Variants in PTPRG observed in about 807,000 individuals in gnomAD.
PTPRG encodes protein tyrosine phosphatase receptor type G.
Under a neutral mutation model 165.3 loss-of-function variants are expected in PTPRG, and 102 were observed. The observed-to-expected ratio is 0.62, with a 90% CI of 0.53 to 0.73. PTPRG has a LOEUF of 0.73. Ranked by LOEUF, PTPRG falls within the 30% of genes least tolerant of loss-of-function variation. The pLI is 0.00. For missense variants in PTPRG, 1,866 were observed against 1,861.4 expected (o/e 1.00, Z -0.05); for synonymous variants, 675 against 669.5 (o/e 1.01, Z -0.13).
At chr3:61,600,190 ATATGTGTGTG>A (rs1326572843) in intron 1 of PTPRG, among the ~76,000 whole-genome samples, 1 of 118,582 alleles carries the variant, frequency 8.4e-6, no homozygotes, top group South Asian at 2.7e-4. Context: ...ATATATATAT[ATATGTGTGTG>A]TGTGTGTGTG....
chr3:62,072,129 G>A (rs1701227711), intron 4 of PTPRG, among the ~76,000 whole-genome samples: 1 of 152,174 alleles, frequency 6.6e-6, no homozygotes, highest in African/African-American at 2.4e-5. Context: ...GAAGCTAGGT[G>A]GACATTTTGT....
chr3:61,722,115 T>C (rs538364048), intron 1 of PTPRG, among the ~76,000 whole-genome samples: 12 of 152,208 alleles, frequency 7.9e-5, no homozygotes, highest in Non-Finnish European at 4.4e-5. Context: ...CTTATGGTTT[T>C]GGAGGCTGGG....
chr3:61,920,249 A>G (rs2039044463), intron 2 of PTPRG, among the ~76,000 whole-genome samples: 1 of 152,220 alleles, frequency 6.6e-6, no homozygotes, highest in African/African-American at 2.4e-5. Flanking sequence ...GAGTCTTTCC[A>G]GCTCTGTGCC....
At chr3:62,172,824 T>A (rs1705269581) in intron 8 of PTPRG, among the ~76,000 whole-genome samples, 1 of 152,244 alleles carries the variant, frequency 6.6e-6, no homozygotes, top group South Asian at 2.1e-4. Flanking sequence ...ATTCTCTATC[T>A]GATAATTATT....
intron 4 of PTPRG, among the ~76,000 whole-genome samples, chr3:62,069,066 C>A (rs994633253): frequency 3.9e-5 from 6 of 152,194 alleles, no homozygotes; most frequent in African/African-American, 1.4e-4. Context: ...GGCATGACTT[C>A]TTGGGATGTT....
chr3:61,786,512 A>T (rs776503913), intron 2 of PTPRG, among the ~76,000 whole-genome samples: 2 of 152,200 alleles, frequency 1.3e-5, no homozygotes, highest in Non-Finnish European at 2.9e-5. Flanking sequence ...CAGGCTGGTT[A>T]TCGTAACTAT....
chr3:61,829,413 A>T (rs1189002141), intron 2 of PTPRG, among the ~76,000 whole-genome samples: 1 of 152,238 alleles, frequency 6.6e-6, no homozygotes, highest in Non-Finnish European at 1.5e-5. Context: ...GCCTCTGTCG[A>T]GGCGGGTGCA....
intron 1 of PTPRG, among the ~76,000 whole-genome samples, chr3:61,732,901 G>C (rs370697886): frequency 6.6e-6 from 1 of 152,152 alleles, no homozygotes; most frequent in Non-Finnish European, 1.5e-5. Flanking sequence ...AATTGTTTTC[G>C]CAGCAGTTAG....
intron 1 of PTPRG, among the ~76,000 whole-genome samples, chr3:61,721,720 A>G (rs1206463894): frequency 6.6e-6 from 1 of 152,088 alleles, no homozygotes. Flanking sequence ...TAGGGCTGCC[A>G]TGTAAGCAAA....
intron 1 of PTPRG, among the ~76,000 whole-genome samples, chr3:61,594,869 C>T (rs544299669): frequency 1.3e-5 from 2 of 152,202 alleles, no homozygotes; most frequent in East Asian, 3.9e-4. Context: ...GGAAGAAACA[C>T]GATGTTACAA....
intron 3 of PTPRG, among the ~76,000 whole-genome samples, chr3:61,999,311 C>T (rs1427427440): frequency 7.9e-5 from 12 of 152,030 alleles, no homozygotes; most frequent in Admixed American, 6.6e-4. Context: ...CCTCCCAAAG[C>T]GCTGGGGTTA....
intron 28 of PTPRG, among the ~76,000 whole-genome samples, chr3:62,291,784 GCCAA>G (rs1480307221): frequency 6.6e-6 from 1 of 152,074 alleles, no homozygotes; most frequent in African/African-American, 2.4e-5. Context: ...AAGTGGAGTT[GCCAA>G]CCTGGCCTGA....
Position 62,273,772 on chromosome 3 carries a change from G to C in PTPRG, c.3393G>C (p.Gln1131His), listed in dbSNP as rs781385998. 2 of 1,613,622 alleles carry C rather than the reference G, an allele frequency of 1.2e-6. No homozygotes were observed. Among genetic ancestry groups the C allele is most frequent in the African/African-American group, 1.3e-5 (1 of 74,900 alleles). ...AGGAGACTGAAGTATCTTCAAATCA[G>C]CTGCACAGCTATGTTAACAGCATCC... ...LGKETEVSSN[Q>H]LHSYVNSILI... Residue 1131 changes from glutamine to histidine, a missense_variant, in exon 23 of 30, where the codon CAG (glutamine) becomes CAC (histidine). Gln to His is a conservative substitution (Grantham distance 24). This residue lies in a region of PTPRG where 1,452 missense variants were observed against 1,463.0 expected (regional missense o/e 0.99). Transcript: ENST00000474889. The surrounding 1 kb of genome is among the most constrained non-coding windows in gnomAD (Gnocchi z 4.1).
chr3:61,786,192 C>T (rs2034695368), intron 2 of PTPRG, among the ~76,000 whole-genome samples: 1 of 152,120 alleles, frequency 6.6e-6, no homozygotes, highest in African/African-American at 2.4e-5. Context: ...TCAGATGTGC[C>T]TGTTATGGTG....
intron 13 of PTPRG, among the ~76,000 whole-genome samples, chr3:62,223,635 G>A (rs962253358): frequency 5.9e-5 from 9 of 152,156 alleles, no homozygotes; most frequent in African/African-American, 1.7e-4. Context: ...ACAAGTTCAC[G>A]TGAGGATTCG....
In PTPRG at chr3:61,812,144, C is replaced by T. The variant is rs368437636; in HGVS notation, c.190+63162C>T. ...AAGAGATGCTTGTACCCCAATATAA[C>T]GCATTCTTACTGCAAATAACAAGTT... On this transcript the variant is annotated intron_variant, in intron 2 of 29. Coordinates refer to ENST00000474889, the MANE Select transcript of PTPRG (RefSeq NM_002841.4). 1.6e-4 allele frequency among the ~76,000 whole-genome samples: 25 copies of T among 152,194 alleles called. No individual in the cohort carries two copies. The East Asian group carries it at 3.1e-3, about 19-fold the overall frequency.
rs577847371 is a variant in PTPRG, at chr3:61,715,016, C to T, written c.86-33862C>T. ...GTGTTTTGGAAGTTTACAGAAGCTC[C>T]CAGAATAGAGAGGCAAAGTGAAGAA... On this transcript the variant is annotated intron_variant, in intron 1 of 29. Transcript: ENST00000474889. 2.0e-5 allele frequency among the ~76,000 whole-genome samples: 3 copies of T among 151,994 alleles called. No individual in the cohort carries two copies. The South Asian group carries it at 6.2e-4, about 31-fold the overall frequency.
Position 62,255,323 on chromosome 3 carries a change from C to A in PTPRG, c.2559+108C>A. On this transcript the variant is annotated intron_variant, in intron 16 of 29. Transcript: ENST00000474889. The surrounding 1 kb of genome is among the most constrained non-coding windows in gnomAD (Gnocchi z 4.0). ...TCCAAGCATAACAAAACAGTAACTA[C>A]GGAAAGTGGAGTTTTTCTTTTCATC... The A allele has an allele frequency of 1.3e-6, 1 of 794,620 alleles. No individual in the cohort carries two copies. Among genetic ancestry groups the A allele is most frequent in the Non-Finnish European group, 2.0e-6 (1 of 504,080 alleles). 49.2% of individuals were successfully genotyped at this position (794,620 alleles called of 1,614,324 possible). A position where few individuals can be genotyped will look rare whatever the true frequency, so the allele number is the denominator to read the frequency against.
intron 3 of PTPRG, among the ~76,000 whole-genome samples, chr3:61,995,678 GCCCGCCTTCCTTCCTT>G (rs1303590602): frequency 1.2e-4 from 11 of 92,310 alleles, no homozygotes; most frequent in Admixed American, 3.2e-4. Flanking sequence ...CTGCCTGCCC[GCCCGCCTTCCTTCCTT>G]CCTTCCTTCC....
Sources: gnomAD v4.1 joint callset for allele counts (sites outside exome capture counted in the v4.1 genomes callset) on GRCh38, gnomAD v4.1.1 for gene constraint, gnomAD v4.1.1 regional missense constraint, Gnocchi (gnomAD v3.1) non-coding constraint, MANE v1.5 for transcripts, NCBI Gene and HGNC (gene_info 2026-07-23, HGNC 2026-07-21) for gene names.